IL6R: variants seen among roughly 807,000 people sequenced by gnomAD.
The protein encoded by IL6R is interleukin-6 receptor subunit alpha.
Under a neutral mutation model 48.3 loss-of-function variants are expected in IL6R, and 38 were observed. That is an observed-to-expected ratio of 0.79 (90% confidence interval 0.61 to 1.03). The LOEUF is 1.03. Among genes scored for constraint, IL6R ranks in the 50% least tolerant of loss-of-function variants. The probability of loss-of-function intolerance (pLI) is 0.00; values close to 1 mark genes in which losing one functional copy is unlikely to be tolerated. For synonymous variants in IL6R, 264 were observed against 256.2 expected, an observed-to-expected ratio of 1.03 and a Z score of -0.29; for missense variants, 534 against 618.3, an observed-to-expected ratio of 0.86 and a Z score of 1.45.
At chr1:154,450,015 G>A (rs577517640) in intron 8 of IL6R, 35 bp downstream of exon 8, 26 of 1,344,816 alleles carry the variant, frequency 1.9e-5, no homozygotes, top group African/African-American at 4.3e-5. Context: ...CCCAGGGTCC[G>A]AGGGACAGAA....
In IL6R at chr1:154,429,459, A is replaced by G. The variant is rs545906094; in HGVS notation, c.334+15A>G. The G allele has an allele frequency of 4.2e-5, 67 of 1,600,694 alleles. 1 individual carries two copies. In the South Asian group the frequency reaches 4.5e-4, roughly 11 times the overall value. On this transcript the variant is annotated intron_variant, in intron 2 of 9. Coordinates refer to ENST00000368485, the MANE Select transcript of IL6R (RefSeq NM_000565.4). ...GCTGGTGGATGGTGAGTTGTGCCTC[A>G]GAGGTCCCGGAGATAGTTCCCGTAA...
At chr1:154,437,621 A>AT (rs1689705577) in intron 6 of IL6R, 1 of 270,862 alleles carries the variant, frequency 3.7e-6, no homozygotes, top group African/African-American at 2.2e-5. Context: ...CATGCTGCCC[A>AT]GGCTGGTCTC....
At chr1:154,460,592 GTTAA>G (rs976966263) in intron 9 of IL6R, among the ~76,000 whole-genome samples, 6 of 152,182 alleles carry the variant, frequency 3.9e-5, no homozygotes, top group African/African-American at 1.4e-4. Flanking sequence ...GAGAGCCACT[GTTAA>G]TTTTCAAAAT....
At chr1:154,458,965 G>A (rs944460623) in intron 9 of IL6R, among the ~76,000 whole-genome samples, 23 of 151,844 alleles carry the variant, frequency 1.5e-4, no homozygotes, top group Admixed American at 1.5e-3. Context: ...TATTTCTATA[G>A]GGCCTTAAGG....
intron 8 of IL6R, 191 bp from the exon 9 acceptor site, chr1:154,454,297 C>A: frequency 1.7e-6 from 1 of 593,924 alleles, no homozygotes; most frequent in Non-Finnish European, 3.0e-6. Context: ...AACAAACAAA[C>A]AAAAAACAGT....
At position 154,430,592 on chromosome 1, in the gene IL6R, C is replaced by T; in HGVS notation, c.444C>T (p.Leu148=). 1.9e-6 allele frequency: 3 copies of T among 1,614,210 alleles called. No individual in the cohort carries two copies. Among genetic ancestry groups the T allele is most frequent in the Non-Finnish European group, 1.7e-6 (2 of 1,180,034 alleles). The change falls in exon 3 of 10, where the codon CTC becomes CTT. Residue 148 remains leucine, a synonymous_variant. Transcript: ENST00000368485. ...STPSLTTKAV[L]LVRKFQNSPA... ...CATCCCTGACGACAAAGGCTGTGCTCTTGGTGAGGAAGTTGTAAGTATCTT... is the reference window on the plus strand; with the variant it reads ...CATCCCTGACGACAAAGGCTGTGCTTTTGGTGAGGAAGTTGTAAGTATCTT...
chr1:154,421,031 T>A (rs918124216), intron 1 of IL6R, among the ~76,000 whole-genome samples: 6 of 152,076 alleles, frequency 3.9e-5, no homozygotes, highest in Non-Finnish European at 8.8e-5. Flanking sequence ...CCAGGTGAGG[T>A]GCTTCCTTGT....
chr1:154,417,264 C>T lies in IL6R; in HGVS notation c.85+11550C>T, dbSNP rs139323437. Among the ~76,000 whole-genome samples the T allele has an allele frequency of 3.5e-3, 534 of 152,312 alleles. 3 individuals are homozygous for T. The highest frequency in any genetic ancestry group is 0.012 in the African/African-American group (516 of 41,554). On this transcript the variant is annotated intron_variant, in intron 1 of 9. Transcript: ENST00000368485. The stretch of plus-strand genomic sequence containing the variant: ...GACCGAGAGTCCCAGAGCCCAGCTC[C>T]GGTCCTGACACCATGCACTGCTGTG...
At chr1:154,442,319 T>G (rs913979007) in intron 6 of IL6R, among the ~76,000 whole-genome samples, 4 of 152,168 alleles carry the variant, frequency 2.6e-5, no homozygotes, top group Non-Finnish European at 5.9e-5. Flanking sequence ...GACAATTGAA[T>G]TATGTCTTGA....
intron 1 of IL6R, among the ~76,000 whole-genome samples, chr1:154,410,915 A>G (rs984774044): frequency 6.6e-6 from 1 of 152,200 alleles, no homozygotes; most frequent in Non-Finnish European, 1.5e-5. Flanking sequence ...ACTGTGTGCA[A>G]GTAGCTGTGC....
At chr1:154,416,541 G>A (rs562289552) in intron 1 of IL6R, among the ~76,000 whole-genome samples, 1 of 152,244 alleles carries the variant, frequency 6.6e-6, no homozygotes, top group East Asian at 1.9e-4. Flanking sequence ...TGATGAGGGA[G>A]GAGGAGCTGG....
intron 9 of IL6R, among the ~76,000 whole-genome samples, chr1:154,461,548 C>T (rs939780553): frequency 6.6e-6 from 1 of 151,998 alleles, no homozygotes; most frequent in South Asian, 2.1e-4. Context: ...CTATACCCGC[C>T]GGTTATTCCT....
Position 154,448,444 on chromosome 1 carries a change from G to A in IL6R, c.996+273G>A, listed in dbSNP as rs551698574. Among the ~76,000 whole-genome samples the A allele has an allele frequency of 1.8e-3, 274 of 152,270 alleles. 1 individual carries two copies. Among genetic ancestry groups the A allele is most frequent in the African/African-American group, 5.8e-3 (242 of 41,542 alleles). On this transcript the variant is annotated intron_variant, in intron 7 of 9. Coordinates refer to ENST00000368485, the MANE Select transcript of IL6R (RefSeq NM_000565.4). ...TTCATCTCTGAGCTTTTTGGACAAC[G>A]CTAATGGCTTAGCTTGAGATTGGAT...
chr1:154,444,571 A>G (rs1266407353), intron 6 of IL6R, among the ~76,000 whole-genome samples: 3 of 152,136 alleles, frequency 2.0e-5, no homozygotes, highest in African/African-American at 4.8e-5. Context: ...ATAAATAACT[A>G]TTAGCATTTA....
At chr1:154,430,366 G>C in intron 2 of IL6R, 117 bp from the exon 3 acceptor site, 2 of 1,334,122 alleles carry the variant, frequency 1.5e-6, no homozygotes, top group Non-Finnish European at 2.0e-6. Flanking sequence ...TAGCTCCAGG[G>C]CTGGGGCCGA....
intron 5 of IL6R, 108 bp from the exon 6 acceptor site, chr1:154,435,861 C>A: frequency 1.0e-6 from 1 of 1,002,560 alleles, no homozygotes; most frequent in Non-Finnish European, 1.4e-6. Context: ...CTCTAGAGGC[C>A]TCTGCCAGCT....
intron 6 of IL6R, among the ~76,000 whole-genome samples, chr1:154,447,800 C>T (rs1481146587): frequency 1.3e-5 from 2 of 151,760 alleles, no homozygotes; most frequent in African/African-American, 4.8e-5. Flanking sequence ...CTGCAACCTC[C>T]GCCTCCCGGG....
chr1:154,428,264 A>AT (rs1207817392), intron 1 of IL6R, among the ~76,000 whole-genome samples: 107 of 149,266 alleles, frequency 7.2e-4, no homozygotes, highest in East Asian at 2.2e-3. Flanking sequence ...TAGAGAATGC[A>AT]TTTTTTTTTT....
rs560641745 is a variant in IL6R at position 154,458,414 on chromosome 1, C to T, written c.1160+3833C>T. 9.8e-5 allele frequency among the ~76,000 whole-genome samples: 15 copies of T among 152,328 alleles called. 1 individual carries two copies. The South Asian group carries it at 2.7e-3, about 27-fold the overall frequency. On this transcript the variant is annotated intron_variant, in intron 9 of 9. Transcript: ENST00000368485. ...CAGTGAGGGGCCATGTCAGCATCCA[C>T]GGGTTCACCTCCTGCCTACCAAAGG...
Sources: allele counts gnomAD v4.1 joint callset (sites outside exome capture counted in the v4.1 genomes callset), GRCh38; gene constraint gnomAD v4.1.1; transcripts MANE v1.5; gene names NCBI Gene and HGNC (gene_info 2026-07-23, HGNC 2026-07-21).